The following BORCS5 variants were observed in gnomAD, a reference collection of about 807,000 sequenced individuals.
BORCS5 encodes BLOC-1-related complex subunit 5.
A neutral mutation model predicts 22.1 loss-of-function variants in BORCS5; 17 were observed. That is an observed-to-expected ratio of 0.77 (90% CI 0.53 to 1.15). The LOEUF (loss-of-function observed/expected upper bound fraction) is 1.15, where lower values mean the gene tolerates loss of function less well. Among genes scored for constraint, BORCS5 ranks in the 50% most tolerant of loss-of-function variants. The pLI is 0.00. For synonymous variants in BORCS5, 117 were observed against 99.8 expected (o/e 1.17, Z -1.03); for missense variants, 247 against 253.2 (o/e 0.98, Z 0.17).
chr12:12,458,309 T>G (rs994416858), intron 3 of BORCS5, among the ~76,000 whole-genome samples: 1 of 152,162 alleles, frequency 6.6e-6, no homozygotes, highest in Non-Finnish European at 1.5e-5. Context: ...CTCTAACCCA[T>G]TTCTAGCCCA....
At chr12:12,362,904 G>A (rs978160776) in intron 2 of BORCS5, among the ~76,000 whole-genome samples, 1 of 151,806 alleles carries the variant, frequency 6.6e-6, no homozygotes, top group Admixed American at 6.6e-5. Flanking sequence ...ACCCACCTCG[G>A]CCTCCCAAAG....
chr12:12,444,948 C>A (rs7973069), intron 3 of BORCS5, among the ~76,000 whole-genome samples: 24,483 of 151,864 alleles, frequency 0.16, 2,879 homozygotes, highest in African/African-American at 0.34. Flanking sequence ...ACAACAACAA[C>A]AAAAAAAACT....
intron 3 of BORCS5, among the ~76,000 whole-genome samples, chr12:12,446,061 A>C (rs1443364777): frequency 2.0e-5 from 3 of 152,114 alleles, no homozygotes; most frequent in African/African-American, 7.2e-5. Flanking sequence ...AGAACTTTTT[A>C]CGCACATGCC....
intron 2 of BORCS5, among the ~76,000 whole-genome samples, chr12:12,376,113 T>TC (rs1488139084): frequency 1.4e-4 from 21 of 152,114 alleles, no homozygotes; most frequent in Non-Finnish European, 2.2e-4. Context: ...TGTAATCCTG[T>TC]CTCTAAACAT....
intron 3 of BORCS5, among the ~76,000 whole-genome samples, chr12:12,462,149 C>A (rs576420620): frequency 6.6e-6 from 1 of 152,324 alleles, no homozygotes; most frequent in African/African-American, 2.4e-5. Flanking sequence ...CAATAACTGT[C>A]TGTTGCCTGT....
intron 2 of BORCS5, among the ~76,000 whole-genome samples, chr12:12,411,512 T>C (rs1345288633): frequency 2.6e-5 from 4 of 152,160 alleles, no homozygotes; most frequent in African/African-American, 4.8e-5. Context: ...AATAAATGTA[T>C]ATAATAAAAT....
At chr12:12,441,687 A>G (rs922507259) in intron 3 of BORCS5, among the ~76,000 whole-genome samples, 12 of 151,582 alleles carry the variant, frequency 7.9e-5, no homozygotes, top group Admixed American at 7.9e-4. Context: ...CAACCCAAGT[A>G]TAAGCACTAA....
At chr12:12,385,495 C>G (rs1417720872) in intron 2 of BORCS5, among the ~76,000 whole-genome samples, 1 of 149,748 alleles carries the variant, frequency 6.7e-6, no homozygotes, top group Non-Finnish European at 1.5e-5. Flanking sequence ...CACAGATTCT[C>G]ACTATTTTTA....
chr12:12,395,487 A>T (rs1028827672), intron 2 of BORCS5, among the ~76,000 whole-genome samples: 1 of 124,484 alleles, frequency 8.0e-6, no homozygotes, highest in Non-Finnish European at 1.6e-5. Context: ...GGGTTTCACC[A>T]TGTTGGCCAG....
intron 2 of BORCS5, among the ~76,000 whole-genome samples, chr12:12,399,811 T>C (rs866648265): frequency 2.0e-5 from 3 of 152,366 alleles, no homozygotes; most frequent in Non-Finnish European, 2.9e-5. Context: ...CACCAGTTGT[T>C]TCCGTCATGA....
intron 2 of BORCS5, among the ~76,000 whole-genome samples, chr12:12,395,538 T>C (rs1261356733): frequency 6.6e-6 from 1 of 151,008 alleles, no homozygotes; most frequent in African/African-American, 2.4e-5. Flanking sequence ...CCACCTGCCT[T>C]GGCCTCCCAG....
At chr12:12,427,349 T>A (rs1480667460) in intron 2 of BORCS5, among the ~76,000 whole-genome samples, 2 of 151,802 alleles carry the variant, frequency 1.3e-5, no homozygotes, top group Non-Finnish European at 2.9e-5. Context: ...CCCAGCTAAT[T>A]TTTTGTATTT....
chr12:12,402,065 C>CAA (rs550592058), intron 2 of BORCS5, among the ~76,000 whole-genome samples: 2,324 of 94,294 alleles, frequency 0.025, 75 homozygotes, highest in African/African-American at 0.066. Flanking sequence ...GACTCCGTCT[C>CAA]AAAAAAAAAA....
At chr12:12,442,397 G>T (rs920121634) in intron 3 of BORCS5, among the ~76,000 whole-genome samples, 1 of 152,186 alleles carries the variant, frequency 6.6e-6, no homozygotes, top group South Asian at 2.1e-4. Context: ...TACAGTTCCT[G>T]TGTGCTTGCT....
chr12:12,375,270 C>G (rs1397329016), intron 2 of BORCS5, among the ~76,000 whole-genome samples: 1 of 152,220 alleles, frequency 6.6e-6, no homozygotes, highest in Admixed American at 6.5e-5. Context: ...GCCTCGGCCT[C>G]CCAAAGTGCT....
At position 12,414,112 on chromosome 12, in the gene BORCS5, AC is replaced by A. The variant is rs1330704540; in HGVS notation, c.203-21508del. Among the ~76,000 whole-genome samples, 22 of 47,402 alleles carry A rather than the reference AC, an allele frequency of 4.6e-4. 1 individual carries two copies. The highest frequency in any genetic ancestry group is 7.6e-4 in the South Asian group (1 of 1,314). 31.1% of individuals were successfully genotyped at this position (47,402 alleles called of 152,430 possible). A position where few individuals can be genotyped will look rare whatever the true frequency, so the allele number is the denominator to read the frequency against. ...GGGCGGCTGGCCGGGCGGGGGGCTG[AC>A]CCCCCCCACCTCCCTCCTGGACGGG... is the stretch of plus-strand genomic sequence containing the variant. On this transcript the variant is annotated intron_variant, in intron 2 of 3. Coordinates refer to ENST00000314565, the MANE Select transcript of BORCS5 (RefSeq NM_058169.6).
Position 12,469,707 on chromosome 12 carries a change from C to G in BORCS5, c.*3931C>G, listed in dbSNP as rs1943259457. The G allele has an allele frequency of 6.6e-6, 1 of 152,190 alleles. No individual in the cohort carries two copies. The highest frequency in any genetic ancestry group is 1.5e-5 in the Non-Finnish European group (1 of 68,038). The allele number at this position is 152,190 out of a possible 1,614,324, so 9.4% of individuals were successfully genotyped here. Reference sequence around the variant, plus strand: ...TAGTGCAATTGGGAAACTTGGTCTTCCTGATTTGTTTATACTTCAGCCAAA... The same window carrying G: ...TAGTGCAATTGGGAAACTTGGTCTTGCTGATTTGTTTATACTTCAGCCAAA... On this transcript the variant is annotated 3_prime_UTR_variant, in exon 4 of 4. Transcript: ENST00000314565.
At chr12:12,358,645 T>C (rs1023862544) in intron 1 of BORCS5, among the ~76,000 whole-genome samples, 6 of 152,232 alleles carry the variant, frequency 3.9e-5, no homozygotes, top group African/African-American at 1.4e-4. Flanking sequence ...GCATTTCCGA[T>C]GTTAGAATTT....
intron 2 of BORCS5, among the ~76,000 whole-genome samples, chr12:12,402,748 T>G (rs539190370): frequency 6.6e-6 from 1 of 152,336 alleles, no homozygotes; most frequent in African/African-American, 2.4e-5. Flanking sequence ...AACAAAAGTC[T>G]CCCTAAAAAT....
Sources: gnomAD v4.1 joint callset for allele counts (sites outside exome capture counted in the v4.1 genomes callset) on GRCh38, gnomAD v4.1.1 for gene constraint, MANE v1.5 for transcripts, NCBI Gene and HGNC (gene_info 2026-07-23, HGNC 2026-07-21) for gene names.